The following SORBS2 variants were observed in gnomAD, a reference collection of about 807,000 sequenced individuals.
The protein encoded by SORBS2 is sorbin and SH3 domain-containing protein 2.
SORBS2 carries 46 observed loss-of-function variants against 97.7 expected under a neutral mutation model. The ratio of observed to expected loss-of-function variants is 0.47; its 90% confidence interval spans 0.37 to 0.60. The LOEUF (loss-of-function observed/expected upper bound fraction) is 0.60. SORBS2 is among the 20% of genes least tolerant of loss of function. The probability of loss-of-function intolerance (pLI) is 0.00; values close to 1 mark genes in which losing one functional copy is unlikely to be tolerated. For missense variants in SORBS2, 1,316 were observed against 1,282.3 expected, an observed-to-expected ratio of 1.03 and a Z score of -0.40; for synonymous variants, 476 against 473.4, an observed-to-expected ratio of 1.01 and a Z score of -0.07.
At position 185,781,552 on chromosome 4, in the gene SORBS2, A is replaced by C. The variant is rs112514927; in HGVS notation, c.-337-6186T>G. On this transcript the variant is annotated intron_variant, in intron 1 of 20. Transcript: ENST00000284776. ...CTCCAGCCTCCCTTCCATTGCCTCC[A>C]GCCTCTCCAGCCTCCCTTCCATTGC... Among the ~76,000 whole-genome samples, 454 of 120,122 alleles carry C rather than the reference A, an allele frequency of 3.8e-3. 1 individual carries two copies. Among genetic ancestry groups the C allele is most frequent in the Non-Finnish European group, 6.8e-3 (341 of 50,294 alleles). The allele number at this position is 120,122 out of a possible 152,430, so 78.8% of individuals were successfully genotyped here. A position where few individuals can be genotyped will look rare whatever the true frequency, so the allele number is the denominator to read the frequency against.
intron 1 of SORBS2, among the ~76,000 whole-genome samples, chr4:185,843,960 T>G (rs1441986759): frequency 1.3e-5 from 2 of 152,208 alleles, no homozygotes; most frequent in Non-Finnish European, 2.9e-5. Flanking sequence ...CCTACCTGAT[T>G]TCATGACCTC....
At chr4:185,713,530 C>G (rs1057054967) in intron 2 of SORBS2, among the ~76,000 whole-genome samples, 1 of 151,580 alleles carries the variant, frequency 6.6e-6, no homozygotes, top group Non-Finnish European at 1.5e-5. Flanking sequence ...GACGTTCAGT[C>G]CACGTACTGG....
chr4:185,843,459 T>A (rs964768851), intron 1 of SORBS2, among the ~76,000 whole-genome samples: 1 of 152,176 alleles, frequency 6.6e-6, no homozygotes, highest in African/African-American at 2.4e-5. Context: ...CTCAAAGATA[T>A]GCAAACAAGC....
At chr4:185,889,645 G>C (rs1561272123) in intron 1 of SORBS2, among the ~76,000 whole-genome samples, 1 of 152,076 alleles carries the variant, frequency 6.6e-6, no homozygotes, top group African/African-American at 2.4e-5. Flanking sequence ...TGGGTACCAA[G>C]TGTTCATCTT....
At chr4:185,738,979 G>A (rs1236106340) in intron 2 of SORBS2, among the ~76,000 whole-genome samples, 4 of 152,218 alleles carry the variant, frequency 2.6e-5, no homozygotes, top group Admixed American at 6.5e-5. Context: ...TAGTTAGCTG[G>A]AGTTAGAAGG....
intron 2 of SORBS2, among the ~76,000 whole-genome samples, chr4:185,760,001 C>T (rs2098862880): frequency 6.6e-6 from 1 of 152,180 alleles, no homozygotes; most frequent in Non-Finnish European, 1.5e-5. Context: ...CCATCGTAGA[C>T]TCCACGTTGG....
At chr4:185,882,578 C>T (rs956929089) in intron 1 of SORBS2, among the ~76,000 whole-genome samples, 1 of 152,064 alleles carries the variant, frequency 6.6e-6, no homozygotes, top group Non-Finnish European at 1.5e-5. Flanking sequence ...TTGTAAATAT[C>T]GGCAAGTTGA....
At position 185,693,668 on chromosome 4, in the gene SORBS2, A is replaced by C. The variant is rs531213315; in HGVS notation, c.-197-14846T>G. On this transcript the variant is annotated intron_variant, in intron 2 of 20. Transcript: ENST00000284776. ...GGTTTTAAAACGGAATGAGGAAGAC[A>C]GTATTCGGGCTAGAATAATAGTGAT... 5.3e-4 allele frequency among the ~76,000 whole-genome samples: 80 copies of C among 152,380 alleles called. 1 individual carries two copies. Among genetic ancestry groups the C allele is most frequent in the Admixed American group, 1.4e-3 (21 of 15,310 alleles).
chr4:185,818,677 T>A (rs1455186197), intron 1 of SORBS2, among the ~76,000 whole-genome samples: 2 of 151,790 alleles, frequency 1.3e-5, no homozygotes, highest in African/African-American at 4.8e-5. Context: ...ATACAAAAAA[T>A]TAGCTGGGCC....
intron 2 of SORBS2, among the ~76,000 whole-genome samples, chr4:185,762,911 G>A (rs781567819): frequency 5.3e-5 from 8 of 152,144 alleles, no homozygotes; most frequent in African/African-American, 1.7e-4. Context: ...AGGTGAGGTC[G>A]GGCGTGGTGG....
chr4:185,717,777 A>G (rs2098478012), intron 2 of SORBS2, among the ~76,000 whole-genome samples: 1 of 152,222 alleles, frequency 6.6e-6, no homozygotes, highest in Non-Finnish European at 1.5e-5. Flanking sequence ...AGCCAATATC[A>G]GGTAGGGCTT....
chr4:185,703,480 G>C (rs1181237370), intron 2 of SORBS2, among the ~76,000 whole-genome samples: 1 of 152,006 alleles, frequency 6.6e-6, no homozygotes, highest in African/African-American at 2.4e-5. Flanking sequence ...ATTGGCTTTT[G>C]AAGGAAAAAA....
intron 11 of SORBS2, 88 bp from the exon 24 acceptor site, chr4:185,612,068 T>C: frequency 2.9e-6 from 3 of 1,051,618 alleles, no homozygotes; most frequent in Non-Finnish European, 4.2e-6. Context: ...AAAAAATAGG[T>C]TTCCATTTGG....
At chr4:185,614,689 A>G (rs1041022439) in intron 11 of SORBS2, 142 bp downstream of exon 23, 1 of 1,040,052 alleles carries the variant, frequency 9.6e-7, no homozygotes. Context: ...TGCCTTAAAG[A>G]GTCCTTTGTA....
intron 1 of SORBS2, among the ~76,000 whole-genome samples, chr4:185,841,380 G>A (rs767185566): frequency 8.5e-5 from 13 of 152,122 alleles, no homozygotes; most frequent in Admixed American, 1.3e-4. Context: ...GGGTAAAATC[G>A]ATTGCACTTG....
At chr4:185,624,428 C>G (rs1325169251) in exon 7 of SORBS2, 1 of 1,613,984 alleles carries the variant, frequency 6.2e-7, no homozygotes, top group East Asian at 2.2e-5. Context: ...ATCTAACTCA[C>G]TGGAGGGGTT....
chr4:185,923,011 A>G (rs897076942), intron 1 of SORBS2, among the ~76,000 whole-genome samples: 2 of 152,194 alleles, frequency 1.3e-5, no homozygotes, highest in Non-Finnish European at 1.5e-5. Context: ...TGGGAAAGCT[A>G]TTTAATCTCT....
At chr4:185,670,880 C>T (rs1457026843) in intron 4 of SORBS2, among the ~76,000 whole-genome samples, 1 of 152,110 alleles carries the variant, frequency 6.6e-6, no homozygotes, top group African/African-American at 2.4e-5. Flanking sequence ...GCCAGTGGGG[C>T]CCTGCCTCCC....
chr4:185,823,498 T>A (rs2099198020), intron 1 of SORBS2, among the ~76,000 whole-genome samples: 1 of 91,900 alleles, frequency 1.1e-5, no homozygotes, highest in Non-Finnish European at 2.3e-5. Flanking sequence ...TTTTCTTTTG[T>A]TTATTTGTAT....
Sources: allele counts gnomAD v4.1 joint callset (sites outside exome capture counted in the v4.1 genomes callset), GRCh38; gene constraint gnomAD v4.1.1; transcripts MANE v1.5; gene names NCBI Gene and HGNC (gene_info 2026-07-23, HGNC 2026-07-21).